Variants in CADM2 observed in about 807,000 individuals in gnomAD.
CADM2 encodes the protein cell adhesion molecule 2.
In CADM2, 12 loss-of-function variants were observed where a neutral mutation model predicts 49.8. The observed-to-expected ratio is 0.24, with a 90% CI of 0.15 to 0.39. CADM2 has a LOEUF of 0.39. Among genes scored for constraint, CADM2 ranks in the 10% least tolerant of loss-of-function variants. The probability of loss-of-function intolerance (pLI) is 1.00; values close to 1 mark genes in which losing one functional copy is unlikely to be tolerated. For synonymous variants in CADM2, 214 were observed against 175.4 expected (o/e 1.22, Z -1.74); for missense variants, 378 against 492.3 (o/e 0.77, Z 2.20).
Position 85,944,235 on chromosome 3 carries a change from A to G in CADM2, c.791+8378A>G, listed in dbSNP as rs561481500. ...AACAAGAGCGAACTATCCTAAATAT[A>G]TATGCGCCCAATACAGGAGCACCCA... is the stretch of plus-strand genomic sequence containing the variant. On this transcript the variant is annotated intron_variant, in intron 7 of 9. Transcript: ENST00000383699. 2.3e-4 allele frequency among the ~76,000 whole-genome samples: 35 copies of G among 152,272 alleles called. 1 individual carries two copies. Among genetic ancestry groups the G allele is most frequent in the African/African-American group, 7.5e-4 (31 of 41,568 alleles).
At chr3:84,998,530 T>C (rs1319245921) in intron 1 of CADM2, among the ~76,000 whole-genome samples, 1 of 152,124 alleles carries the variant, frequency 6.6e-6, no homozygotes, top group Non-Finnish European at 1.5e-5. Context: ...CTGATCAAAA[T>C]GCAAAGAGTG....
At chr3:85,541,718 TTATATATATATA>T (rs1168511548) in intron 1 of CADM2, among the ~76,000 whole-genome samples, 5 of 89,426 alleles carry the variant, frequency 5.6e-5, no homozygotes, top group East Asian at 4.8e-4. Flanking sequence ...ATATTTTATA[TTATATATATATA>T]TTTTATATAT....
chr3:85,573,008 T>G (rs1014022046), intron 1 of CADM2, among the ~76,000 whole-genome samples: 9 of 150,744 alleles, frequency 6.0e-5, no homozygotes, highest in Non-Finnish European at 1.3e-4. Context: ...TAATCGTGTA[T>G]ACATAAGATG....
intron 1 of CADM2, among the ~76,000 whole-genome samples, chr3:85,445,789 T>G (rs1396447673): frequency 6.6e-6 from 1 of 152,136 alleles, no homozygotes; most frequent in East Asian, 1.9e-4. Flanking sequence ...ACTGGTTGCC[T>G]TTTTAGAAAA....
intron 1 of CADM2, among the ~76,000 whole-genome samples, chr3:85,285,193 A>C (rs566435202): frequency 1.7e-4 from 26 of 152,140 alleles, no homozygotes; most frequent in Non-Finnish European, 3.4e-4. Flanking sequence ...TGAGATGCCT[A>C]TTCCACACCC....
At chr3:85,303,345 CTG>C (rs1418739588) in intron 1 of CADM2, among the ~76,000 whole-genome samples, 4 of 151,934 alleles carry the variant, frequency 2.6e-5, no homozygotes, top group Non-Finnish European at 5.9e-5. Flanking sequence ...TGTGTTAAGA[CTG>C]TTAATGAAGC....
intron 1 of CADM2, among the ~76,000 whole-genome samples, chr3:85,377,745 GC>G (rs2033676924): frequency 6.6e-6 from 1 of 151,994 alleles, no homozygotes; most frequent in South Asian, 2.1e-4. Flanking sequence ...AAAGTTAATA[GC>G]TACAGGAGTT....
intron 1 of CADM2, among the ~76,000 whole-genome samples, chr3:85,504,672 C>T (rs987928478): frequency 1.3e-5 from 2 of 152,230 alleles, no homozygotes; most frequent in Admixed American, 1.3e-4. Flanking sequence ...GCGCCGTGCG[C>T]CCGCACTCCG....
intron 1 of CADM2, among the ~76,000 whole-genome samples, chr3:85,199,191 A>G (rs987173812): frequency 6.6e-6 from 1 of 151,958 alleles, no homozygotes; most frequent in Non-Finnish European, 1.5e-5. Context: ...ATAAAATATC[A>G]TGTGATCTAC....
At chr3:85,546,319 G>T (rs779027385) in intron 1 of CADM2, among the ~76,000 whole-genome samples, 1 of 152,096 alleles carries the variant, frequency 6.6e-6, no homozygotes, top group South Asian at 2.1e-4. Context: ...TTTACATTTT[G>T]AGTTGCTTCT....
chr3:85,443,749 G>GAAT (rs139789076), intron 1 of CADM2, among the ~76,000 whole-genome samples: 6,023 of 152,038 alleles, frequency 0.04, 392 homozygotes, highest in African/African-American at 0.14. Context: ...TGTGACTGTG[G>GAAT]AATATTCTGT....
chr3:85,256,918 G>A (rs921921370), intron 1 of CADM2, among the ~76,000 whole-genome samples: 1 of 152,026 alleles, frequency 6.6e-6, no homozygotes. Flanking sequence ...GGATTTAACA[G>A]AAAATTACTT....
chr3:85,806,696 C>T (rs1261453508), intron 3 of CADM2, among the ~76,000 whole-genome samples: 7 of 151,938 alleles, frequency 4.6e-5, no homozygotes, highest in Admixed American at 4.6e-4. Flanking sequence ...GATCGCGCTA[C>T]TGCACTCCAG....
At chr3:85,799,496 G>A (rs540637183) in intron 2 of CADM2, among the ~76,000 whole-genome samples, 11 of 152,200 alleles carry the variant, frequency 7.2e-5, no homozygotes, top group East Asian at 1.9e-4. Context: ...GTTGAATTTC[G>A]TCAAAGGCCT....
intron 1 of CADM2, among the ~76,000 whole-genome samples, chr3:85,087,022 G>A (rs2037407188): frequency 6.6e-6 from 1 of 152,094 alleles, no homozygotes; most frequent in Admixed American, 6.6e-5. Flanking sequence ...AAAGAAAAAA[G>A]AAGAGTTCTG....
At chr3:85,075,227 T>G (rs978173004) in intron 1 of CADM2, among the ~76,000 whole-genome samples, 3 of 142,316 alleles carry the variant, frequency 2.1e-5, no homozygotes, top group African/African-American at 7.7e-5. Context: ...AGTTTTTTTG[T>G]TTTTTTTTTT....
chr3:85,292,121 A>C (rs545206109), intron 1 of CADM2, among the ~76,000 whole-genome samples: 4,101 of 148,374 alleles, frequency 0.028, 177 homozygotes, highest in African/African-American at 0.097. Flanking sequence ...AAAACAAAAA[A>C]AGGCAGGGGT....
At chr3:85,103,934 C>T (rs1402641188) in intron 1 of CADM2, among the ~76,000 whole-genome samples, 3 of 152,028 alleles carry the variant, frequency 2.0e-5, no homozygotes, top group Non-Finnish European at 4.4e-5. Flanking sequence ...GATTTTTGAG[C>T]AGGAGGTAAT....
At chr3:85,744,071 C>G (rs540070276) in intron 2 of CADM2, among the ~76,000 whole-genome samples, 2 of 151,984 alleles carry the variant, frequency 1.3e-5, no homozygotes, top group African/African-American at 2.4e-5. Flanking sequence ...ACATTCTAGT[C>G]ATGTTTAAAG....
Sources: gnomAD v4.1 joint callset for allele counts (sites outside exome capture counted in the v4.1 genomes callset) on GRCh38, gnomAD v4.1.1 for gene constraint, MANE v1.5 for transcripts, NCBI Gene and HGNC (gene_info 2026-07-23, HGNC 2026-07-21) for gene names.